Variants in ADAM10 observed in about 807,000 individuals in gnomAD.
The protein encoded by ADAM10 is disintegrin and metalloproteinase domain-containing protein 10.
ADAM10 carries 17 observed loss-of-function variants against 90.1 expected under a neutral mutation model. The ratio of observed to expected loss-of-function variants is 0.19; its 90% CI spans 0.13 to 0.28. ADAM10 has a LOEUF of 0.28. Ranked by LOEUF, ADAM10 falls within the 10% of genes least tolerant of loss-of-function variation. The pLI, the probability that ADAM10 is intolerant of heterozygous loss-of-function variation, is 1.00. For missense variants in ADAM10, 610 were observed against 914.3 expected (o/e 0.67, Z 4.29); for synonymous variants, 310 against 298.6 (o/e 1.04, Z -0.40).
At chr15:58,744,490 A>G (rs1455474043) in intron 1 of ADAM10, among the ~76,000 whole-genome samples, 2 of 152,222 alleles carry the variant, frequency 1.3e-5, no homozygotes, top group African/African-American at 4.8e-5. Flanking sequence ...TAGATCCAAG[A>G]ATAAAATCCA....
chr15:58,666,437 T>C (rs1369167168), intron 4 of ADAM10, among the ~76,000 whole-genome samples: 1 of 151,856 alleles, frequency 6.6e-6, no homozygotes. Flanking sequence ...TAATGCCAGC[T>C]AGCAACTGAA....
At chr15:58,700,033 C>T (rs1353604918) in intron 2 of ADAM10, among the ~76,000 whole-genome samples, 1 of 151,932 alleles carries the variant, frequency 6.6e-6, no homozygotes, top group Non-Finnish European at 1.5e-5. Flanking sequence ...AAATGGAAAC[C>T]AAAAGCAAGC....
intron 2 of ADAM10, among the ~76,000 whole-genome samples, chr15:58,699,458 A>C (rs1898069260): frequency 6.6e-6 from 1 of 152,176 alleles, no homozygotes; most frequent in Non-Finnish European, 1.5e-5. Context: ...GAGAAAAAGA[A>C]AGGAACAAAG....
At chr15:58,698,687 T>C (rs1413984223) in intron 2 of ADAM10, among the ~76,000 whole-genome samples, 3 of 151,298 alleles carry the variant, frequency 2.0e-5, no homozygotes, top group Non-Finnish European at 2.9e-5. Context: ...GCTTCATCAA[T>C]ACACTAGATC....
rs1160050417 is a variant in ADAM10, at chr15:58,595,930, ATT to A, written c.*1615_*1616del. The A allele has an allele frequency of 1.3e-5, 2 of 152,128 alleles. No individual in the cohort carries two copies. The highest frequency in any genetic ancestry group is 4.8e-5 in the African/African-American group (2 of 41,440). 9.4% of individuals were successfully genotyped at this position (152,128 alleles called of 1,614,324 possible). A position where few individuals can be genotyped will look rare whatever the true frequency, so the allele number is the denominator to read the frequency against. On this transcript the variant is annotated 3_prime_UTR_variant, in exon 16 of 16. Coordinates refer to ENST00000260408, the MANE Select transcript of ADAM10 (RefSeq NM_001110.4). ...GTCTATCTGGGGTTTCATGTACAAAATTTGTCTCTAAATCATGTACAAAAAGC... is the reference window on the plus strand; with the variant it reads ...GTCTATCTGGGGTTTCATGTACAAAATGTCTCTAAATCATGTACAAAAAGC...
At chr15:58,603,954 T>C (rs1895190184) in intron 14 of ADAM10, among the ~76,000 whole-genome samples, 1 of 152,012 alleles carries the variant, frequency 6.6e-6, no homozygotes, top group African/African-American at 2.4e-5. Flanking sequence ...AATCAAACTT[T>C]TCAAAAGAAA....
At chr15:58,707,779 T>C (rs1898351404) in intron 2 of ADAM10, among the ~76,000 whole-genome samples, 1 of 152,210 alleles carries the variant, frequency 6.6e-6, no homozygotes, top group Non-Finnish European at 1.5e-5. Context: ...TAAACTACTA[T>C]GTATAAAACA....
chr15:58,677,633 T>G (rs573487708), intron 4 of ADAM10, among the ~76,000 whole-genome samples: 1 of 152,056 alleles, frequency 6.6e-6, no homozygotes, highest in Non-Finnish European at 1.5e-5. Flanking sequence ...ACAAATACAG[T>G]AGAGGGCACT....
At chr15:58,735,170 G>A (rs1899388487) in intron 1 of ADAM10, among the ~76,000 whole-genome samples, 2 of 151,970 alleles carry the variant, frequency 1.3e-5, no homozygotes, top group African/African-American at 2.4e-5. Flanking sequence ...TTTGTATCTG[G>A]GAATCTCTCC....
intron 2 of ADAM10, among the ~76,000 whole-genome samples, chr15:58,683,599 T>C (rs933879409): frequency 3.3e-5 from 5 of 152,064 alleles, no homozygotes; most frequent in East Asian, 1.9e-4. Flanking sequence ...CAGTGGCTCA[T>C]GCCTGTAATC....
At chr15:58,665,278 T>A in intron 4 of ADAM10, 81 bp from the exon 5 acceptor site, 1 of 1,064,270 alleles carries the variant, frequency 9.4e-7, no homozygotes, top group Non-Finnish European at 1.5e-6. Context: ...AGTAAAAATT[T>A]AACTGTCTTA....
chr15:58,705,854 T>C (rs1898269911), intron 2 of ADAM10, among the ~76,000 whole-genome samples: 1 of 152,254 alleles, frequency 6.6e-6, no homozygotes, highest in Non-Finnish European at 1.5e-5. Context: ...CACATTCACA[T>C]AACTTACAGT....
chr15:58,709,101 C>G (rs1898393227), intron 2 of ADAM10, among the ~76,000 whole-genome samples: 1 of 152,112 alleles, frequency 6.6e-6, no homozygotes, highest in African/African-American at 2.4e-5. Context: ...TAAACATATT[C>G]AACACAGTTA....
intron 14 of ADAM10, among the ~76,000 whole-genome samples, chr15:58,600,757 GACC>G (rs1278684937): frequency 6.6e-6 from 1 of 152,022 alleles, no homozygotes; most frequent in Admixed American, 6.5e-5. Context: ...TTTGTTTTAA[GACC>G]ACATGTACTA....
chr15:58,629,517 G>C (rs1266291763), intron 9 of ADAM10: 2 of 152,162 alleles, frequency 1.3e-5, no homozygotes, highest in Non-Finnish European at 2.9e-5. Flanking sequence ...AGGCCATCTT[G>C]ACTGGACTCG....
At position 58,611,790 on chromosome 15, in the gene ADAM10, A is replaced by G. The variant is rs757060815; in HGVS notation, c.1695+18T>C. ...GTTTTCTAAAATTAAATTTTAAAACATATAGTTAAATGCTTACCCCATTAA... is the reference window on the plus strand; with the variant it reads ...GTTTTCTAAAATTAAATTTTAAAACGTATAGTTAAATGCTTACCCCATTAA... On this transcript the variant is annotated intron_variant, in intron 12 of 15. Transcript: ENST00000260408. 16 of 1,611,890 alleles carry G rather than the reference A, an allele frequency of 9.9e-6. No homozygotes were observed. Among genetic ancestry groups the G allele is most frequent in the African/African-American group, 2.7e-5 (2 of 74,878 alleles).
chr15:58,639,619 C>T (rs1449338030), intron 8 of ADAM10, among the ~76,000 whole-genome samples: 4 of 152,096 alleles, frequency 2.6e-5, no homozygotes, highest in Non-Finnish European at 5.9e-5. Flanking sequence ...TCCAAAAGTA[C>T]TGCACTATTA....
intron 8 of ADAM10, among the ~76,000 whole-genome samples, chr15:58,639,046 A>G (rs1896347007): frequency 6.6e-6 from 1 of 152,100 alleles, no homozygotes; most frequent in Admixed American, 6.6e-5. Flanking sequence ...ATCCTTAAGT[A>G]CAATAGTCTG....
At chr15:58,682,428 AT>A (rs2140755358) in intron 2 of ADAM10, 114 bp from the exon 3 acceptor site, 1 of 1,455,800 alleles carries the variant, frequency 6.9e-7, no homozygotes, top group Non-Finnish European at 9.1e-7. Flanking sequence ...AAATTTGTCT[AT>A]TTGTGAAATA....
Sources: gnomAD v4.1 joint callset for allele counts (sites outside exome capture counted in the v4.1 genomes callset) on GRCh38, gnomAD v4.1.1 for gene constraint, MANE v1.5 for transcripts, NCBI Gene and HGNC (gene_info 2026-07-23, HGNC 2026-07-21) for gene names.